LRRC4C: variants seen among roughly 807,000 people sequenced by gnomAD.
LRRC4C encodes leucine-rich repeat-containing protein 4C.
In LRRC4C, 5 loss-of-function variants were observed where a neutral mutation model predicts 33.6. That is an observed-to-expected ratio of 0.15 (90% CI 0.08 to 0.31). LRRC4C has a LOEUF of 0.31. LRRC4C is among the 10% of genes least tolerant of loss of function. The pLI is 1.00. For synonymous variants in LRRC4C, 329 were observed against 302.0 expected (o/e 1.09, Z -0.93); for missense variants, 560 against 796.7 (o/e 0.70, Z 3.58).
intron 6 of LRRC4C, among the ~76,000 whole-genome samples, chr11:40,140,455 A>G (rs1857285912): frequency 6.6e-6 from 1 of 152,166 alleles, no homozygotes; most frequent in South Asian, 2.1e-4. Flanking sequence ...TATTTAGCCC[A>G]TAAAATATGA....
chr11:40,329,916 T>C (rs1946282274), intron 3 of LRRC4C, among the ~76,000 whole-genome samples: 1 of 151,936 alleles, frequency 6.6e-6, no homozygotes, highest in Non-Finnish European at 1.5e-5. Context: ...TAATTTTTTG[T>C]ATTTTTGGTA....
In LRRC4C at chr11:41,248,886, G is replaced by C. The variant is rs575508454; in HGVS notation, c.-496+210545C>G. ...ATTAACTGGCAATTCCATCCTACCA[G>C]ACCAAAACGTTGCTTTAGTCTTTAC... On this transcript the variant is annotated intron_variant, in intron 1 of 6. Transcript: ENST00000528697. Among the ~76,000 whole-genome samples the C allele has an allele frequency of 9.2e-5, 14 of 152,180 alleles. No individual in the cohort carries two copies. In the East Asian group the frequency reaches 2.7e-3, roughly 29 times the overall value.
intron 3 of LRRC4C, among the ~76,000 whole-genome samples, chr11:40,562,560 G>C (rs1053614234): frequency 1.3e-5 from 2 of 152,048 alleles, no homozygotes; most frequent in East Asian, 3.9e-4. Context: ...ACACTTGCAC[G>C]AATCACAAAT....
chr11:40,892,462 G>T (rs1173509723), intron 2 of LRRC4C, among the ~76,000 whole-genome samples: 1 of 152,164 alleles, frequency 6.6e-6, no homozygotes, highest in Non-Finnish European at 1.5e-5. Flanking sequence ...AGATGTTTGA[G>T]TAGGGTCTTA....
intron 2 of LRRC4C, among the ~76,000 whole-genome samples, chr11:40,676,210 A>C (rs2136300008): frequency 6.6e-6 from 1 of 152,208 alleles, no homozygotes; most frequent in African/African-American, 2.4e-5. Flanking sequence ...GCTGCTCTTA[A>C]GGGAGTAGCA....
chr11:41,078,697 T>C (rs1439656624), intron 1 of LRRC4C, among the ~76,000 whole-genome samples: 1 of 152,050 alleles, frequency 6.6e-6, no homozygotes, highest in East Asian at 1.9e-4. Context: ...TTCTGACACA[T>C]GGGGATTACA....
At chr11:40,649,964 T>C (rs1371736105) in intron 2 of LRRC4C, among the ~76,000 whole-genome samples, 1 of 152,216 alleles carries the variant, frequency 6.6e-6, no homozygotes, top group Non-Finnish European at 1.5e-5. Flanking sequence ...CATATTCTCT[T>C]GTTTTAGTCA....
chr11:41,133,449 A>T (rs1448367643), intron 1 of LRRC4C, among the ~76,000 whole-genome samples: 2 of 151,996 alleles, frequency 1.3e-5, no homozygotes, highest in East Asian at 3.9e-4. Context: ...TGTATCTGTT[A>T]GTTATAAACT....
intron 3 of LRRC4C, among the ~76,000 whole-genome samples, chr11:40,335,963 C>T (rs1163455532): frequency 6.6e-6 from 1 of 152,134 alleles, no homozygotes; most frequent in Non-Finnish European, 1.5e-5. Context: ...ATAGCCCGTA[C>T]CACATAGGGT....
chr11:40,165,489 G>C (rs191301711), intron 5 of LRRC4C, among the ~76,000 whole-genome samples: 1 of 152,092 alleles, frequency 6.6e-6, no homozygotes, highest in Non-Finnish European at 1.5e-5. Flanking sequence ...AATTAGTGAG[G>C]AGTAGAGAGA....
intron 1 of LRRC4C, among the ~76,000 whole-genome samples, chr11:41,039,712 T>C (rs149052739): frequency 0.01 from 1,555 of 152,202 alleles, 15 homozygotes; most frequent in Non-Finnish European, 0.015. Flanking sequence ...CTGCCAAAAA[T>C]TGGCTAGAAT....
intron 1 of LRRC4C, among the ~76,000 whole-genome samples, chr11:40,999,003 C>T (rs571810669): frequency 1.3e-3 from 197 of 152,138 alleles, no homozygotes; most frequent in African/African-American, 4.5e-3. Context: ...CTCCAATTCC[C>T]CTCTCAGCTG....
intron 1 of LRRC4C, among the ~76,000 whole-genome samples, chr11:41,195,719 C>A (rs771826936): frequency 2.0e-5 from 3 of 151,974 alleles, no homozygotes; most frequent in East Asian, 3.9e-4. Context: ...AGGCCTTATA[C>A]GAACAATGAA....
intron 1 of LRRC4C, among the ~76,000 whole-genome samples, chr11:41,153,826 T>C (rs1944107196): frequency 6.6e-6 from 1 of 152,080 alleles, no homozygotes; most frequent in South Asian, 2.1e-4. Context: ...TCTTCACAGA[T>C]GTGAGTAAGG....
intron 2 of LRRC4C, among the ~76,000 whole-genome samples, chr11:40,755,557 G>T (rs1948908728): frequency 6.6e-6 from 1 of 151,942 alleles, no homozygotes; most frequent in South Asian, 2.1e-4. Context: ...AGGAGATTTT[G>T]CATCCCACCA....
At chr11:40,286,705 T>G (rs1261215895) in intron 4 of LRRC4C, among the ~76,000 whole-genome samples, 2 of 152,166 alleles carry the variant, frequency 1.3e-5, no homozygotes, top group Non-Finnish European at 2.9e-5. Flanking sequence ...ACTTAAGACA[T>G]TTTATTGCTC....
chr11:41,458,962 G>T (rs1224103115), intron 1 of LRRC4C, among the ~76,000 whole-genome samples: 1 of 151,892 alleles, frequency 6.6e-6, no homozygotes, highest in African/African-American at 2.4e-5. Flanking sequence ...GAAAAAAATA[G>T]AGCTATGGGG....
intron 1 of LRRC4C, among the ~76,000 whole-genome samples, chr11:41,281,930 A>G (rs17440361): frequency 0.34 from 52,095 of 151,882 alleles, 10,765 homozygotes; most frequent in Non-Finnish European, 0.46. Flanking sequence ...GAGCACAAAA[A>G]TGGGACAAGA....
intron 2 of LRRC4C, among the ~76,000 whole-genome samples, chr11:40,653,210 T>G (rs759589737): frequency 2.0e-5 from 3 of 152,134 alleles, no homozygotes; most frequent in Non-Finnish European, 4.4e-5. Flanking sequence ...AATATGGAAG[T>G]GACTTTGGAA....
Sources: allele counts gnomAD v4.1 joint callset (sites outside exome capture counted in the v4.1 genomes callset), GRCh38; gene constraint gnomAD v4.1.1; transcripts MANE v1.5; gene names NCBI Gene and HGNC (gene_info 2026-07-23, HGNC 2026-07-21).